The following NEK10 variants were observed in gnomAD, a reference collection of about 807,000 sequenced individuals.
The protein encoded by NEK10 is NIMA related kinase 10.
NEK10 carries 122 observed loss-of-function variants against 159.8 expected under a neutral mutation model. The ratio of observed to expected loss-of-function variants is 0.76; its 90% CI spans 0.66 to 0.89. NEK10 has a LOEUF of 0.89. Among genes scored for constraint, NEK10 ranks in the 40% least tolerant of loss-of-function variants. The pLI is 0.00. For missense variants in NEK10, 1,342 were observed against 1,323.1 expected (o/e 1.01, Z -0.22); for synonymous variants, 466 against 457.1 (o/e 1.02, Z -0.25).
chr3:27,369,327 G>A lies in NEK10; in HGVS notation c.-140C>T. The stretch of plus-strand genomic sequence containing the variant: ...CGGGGGTCCCGTCCAGTCTCAGCCC[G>A]TCCCGTCCTCCCCCCAGCCTATTCC... On this transcript the variant is annotated 5_prime_UTR_variant, in exon 1 of 36. It adds an upstream start codon to the 5' untranslated region. Coordinates refer to ENST00000691995, the MANE Select transcript of NEK10 (RefSeq NM_001394966.1). This position sits in a 1 kb window ranked among gnomAD's most constrained non-coding sequence, Gnocchi z 4.2. 1 of 153,016 alleles carries A rather than the reference G, an allele frequency of 6.5e-6. No homozygotes were observed. Among genetic ancestry groups the A allele is most frequent in the Non-Finnish European group, 1.5e-5 (1 of 68,760 alleles). The allele number at this position is 153,016 out of a possible 1,614,324, so 9.5% of individuals were successfully genotyped here. A position where few individuals can be genotyped will look rare whatever the true frequency, so the allele number is the denominator to read the frequency against.
At chr3:27,266,410 G>C (rs537498831) in intron 22 of NEK10, among the ~76,000 whole-genome samples, 9 of 152,188 alleles carry the variant, frequency 5.9e-5, no homozygotes, top group African/African-American at 2.2e-4. Context: ...ATTTGCAACT[G>C]TTCCTGCACC....
chr3:27,188,325 T>C (rs1446747311), intron 26 of NEK10, among the ~76,000 whole-genome samples: 6 of 152,222 alleles, frequency 3.9e-5, no homozygotes, highest in Non-Finnish European at 8.8e-5. Context: ...TCCAAGTAGA[T>C]TATCAGTTAC....
At chr3:27,115,512 C>G (rs766167565) in intron 35 of NEK10, among the ~76,000 whole-genome samples, 1 of 152,134 alleles carries the variant, frequency 6.6e-6, no homozygotes, top group African/African-American at 2.4e-5. Context: ...CTTAAATTCA[C>G]AAGAAATGAT....
At chr3:27,235,778 T>C (rs1208549043) in intron 23 of NEK10, among the ~76,000 whole-genome samples, 1 of 152,146 alleles carries the variant, frequency 6.6e-6, no homozygotes, top group African/African-American at 2.4e-5. Context: ...CCCAAAGGAA[T>C]AGAAATTGTT....
At chr3:27,319,982 A>AC (rs1286631944) in intron 6 of NEK10, among the ~76,000 whole-genome samples, 1 of 152,226 alleles carries the variant, frequency 6.6e-6, no homozygotes, top group African/African-American at 2.4e-5. Context: ...GCTGAGAGCC[A>AC]CTGGCGTAAG....
At chr3:27,249,101 C>T (rs549865584) in intron 23 of NEK10, among the ~76,000 whole-genome samples, 137 of 152,306 alleles carry the variant, frequency 9.0e-4, no homozygotes, top group African/African-American at 2.7e-3. Flanking sequence ...AAGCTGTTCT[C>T]ATGATAGTGA....
At chr3:27,222,308 G>T in intron 23 of NEK10, among the ~76,000 whole-genome samples, 1 of 152,214 alleles carries the variant, frequency 6.6e-6, no homozygotes, top group East Asian at 1.9e-4. Context: ...GAGAGGCAGA[G>T]GTGGCAGTGA....
At chr3:27,145,154 T>C (rs1575492610) in intron 30 of NEK10, among the ~76,000 whole-genome samples, 1 of 151,558 alleles carries the variant, frequency 6.6e-6, no homozygotes, top group East Asian at 1.9e-4. Context: ...AAGCAGCATA[T>C]ATTTATATTA....
intron 7 of NEK10, among the ~76,000 whole-genome samples, chr3:27,312,754 A>T (rs2044804955): frequency 1.3e-5 from 2 of 152,180 alleles, no homozygotes; most frequent in African/African-American, 4.8e-5. Flanking sequence ...GTTAAAATGG[A>T]TAAGAAGATG....
At position 27,291,336 on chromosome 3, in the gene NEK10, C is replaced by A. The variant is rs764042541; in HGVS notation, c.1531G>T (p.Ala511Ser). The A allele has an allele frequency of 1.9e-6, 3 of 1,612,968 alleles. No individual in the cohort carries two copies. The highest frequency in any genetic ancestry group is 2.2e-5 in the East Asian group (1 of 44,882). Residue 511 changes from alanine to serine, a missense_variant, in exon 18 of 36, where the codon GCT (alanine) becomes TCT (serine). Transcript: ENST00000691995. Reference sequence around the variant, plus strand: ...TAGTTGCCTATATATTTCAAAGGAGCTTTGTTCTGATTAATGCTTTCAATA... The same window carrying A: ...TAGTTGCCTATATATTTCAAAGGAGATTTGTTCTGATTAATGCTTTCAATA... ...ENIESINQNK[A>S]PLKYIGNYAI...
chr3:27,218,417 T>C (rs931639848), intron 23 of NEK10, among the ~76,000 whole-genome samples: 7 of 151,888 alleles, frequency 4.6e-5, no homozygotes, highest in Non-Finnish European at 8.8e-5. Flanking sequence ...CTAGCCTCAC[T>C]AACACAGTGA....
chr3:27,290,813 G>A, intron 18 of NEK10, 59 bp from the exon 19 acceptor site: 1 of 1,251,600 alleles, frequency 8.0e-7, no homozygotes, highest in Non-Finnish European at 1.1e-6. Context: ...GGAGAAGAGA[G>A]AAAGAGGAAG....
At chr3:27,365,674 A>G (rs9848400) in intron 1 of NEK10, among the ~76,000 whole-genome samples, 141,640 of 143,312 alleles carry the variant, frequency 0.99, 69,996 homozygotes, top group East Asian at 1. Flanking sequence ...GTGCAGTAGC[A>G]CGATCTCAGC....
chr3:27,293,493 T>C (rs1217609457), intron 16 of NEK10, 95 bp downstream of exon 16: 3 of 597,918 alleles, frequency 5.0e-6, no homozygotes, highest in Non-Finnish European at 8.8e-6. Context: ...GACGCATTAT[T>C]TTCCTTCTGT....
At position 27,295,669 on chromosome 3, in the gene NEK10, C is replaced by G. The variant is rs750529352; in HGVS notation, c.1252G>C (p.Ala418Pro). The change falls in exon 15 of 36, where the codon GCA (alanine) becomes CCA (proline). Residue 418 changes from alanine (A) to proline (P), a missense_variant. By Grantham distance (27) the Ala-to-Pro change is conservative. Transcript: ENST00000691995. ...VVQENGVYTI[A>P]KLILPNKQKN... ...TGCTTATTTGGTAAAATTAATTTTG[C>G]TATTGTATATACACCATTTTCCTGA... 1 of 1,566,632 alleles carries G rather than the reference C, an allele frequency of 6.4e-7. No individual in the cohort carries two copies. Among genetic ancestry groups the G allele is most frequent in the Non-Finnish European group, 8.7e-7 (1 of 1,153,340 alleles).
chr3:27,121,069 C>A (rs762190856), intron 32 of NEK10, among the ~76,000 whole-genome samples: 1 of 152,162 alleles, frequency 6.6e-6, no homozygotes, highest in Non-Finnish European at 1.5e-5. Context: ...ACCCAGCAAT[C>A]TGACTCTTAA....
intron 35 of NEK10, among the ~76,000 whole-genome samples, chr3:27,113,488 T>C (rs1315331281): frequency 6.7e-6 from 1 of 149,122 alleles, no homozygotes; most frequent in African/African-American, 2.5e-5. Flanking sequence ...CATGGATATA[T>C]GGATTTTTAA....
At chr3:27,264,832 T>C (rs988634289) in intron 22 of NEK10, among the ~76,000 whole-genome samples, 2 of 151,946 alleles carry the variant, frequency 1.3e-5, no homozygotes, top group Non-Finnish European at 2.9e-5. Context: ...GGGCAGAGCT[T>C]GCAGTAAGCC....
chr3:27,197,796 CTTT>C (rs35835923), intron 25 of NEK10, among the ~76,000 whole-genome samples: 1 of 146,202 alleles, frequency 6.8e-6, no homozygotes, highest in Non-Finnish European at 1.5e-5. Context: ...TACTTTCTTT[CTTT>C]TTTTTTTTTT....
Sources: gnomAD v4.1 joint callset for allele counts (sites outside exome capture counted in the v4.1 genomes callset) on GRCh38, gnomAD v4.1.1 for gene constraint, Gnocchi (gnomAD v3.1) non-coding constraint, MANE v1.5 for transcripts, NCBI Gene and HGNC (gene_info 2026-07-23, HGNC 2026-07-21) for gene names.